The following GRM5 variants were observed in gnomAD, a reference collection of about 807,000 sequenced individuals.
The protein encoded by GRM5 is metabotropic glutamate receptor 5.
A neutral mutation model predicts 83.1 loss-of-function variants in GRM5; 19 were observed. That is an observed-to-expected ratio of 0.23 (90% CI 0.16 to 0.34). The LOEUF (loss-of-function observed/expected upper bound fraction) is 0.34, where lower values mean the gene tolerates loss of function less well. Among genes scored for constraint, GRM5 ranks in the 10% least tolerant of loss-of-function variants. GRM5 has a pLI of 1.00. For missense variants in GRM5, 1,160 were observed against 1,588.3 expected (o/e 0.73, Z 4.58); for synonymous variants, 675 against 633.6 (o/e 1.07, Z -0.98).
rs373132677 is a variant in GRM5 at position 88,988,555 on chromosome 11, C to A, written c.661+58657G>T. On this transcript the variant is annotated intron_variant, in intron 2 of 9. Coordinates refer to ENST00000305447, the MANE Select transcript of GRM5 (RefSeq NM_001143831.3). ...AGAAGAGCAACTCCAAGACACATAA[C>A]TGTCAGATTCACCAAAGTTGAAATG... is the stretch of plus-strand genomic sequence containing the variant. 2.0e-5 allele frequency among the ~76,000 whole-genome samples: 3 copies of A among 150,836 alleles called. No individual in the cohort carries two copies. The East Asian group carries it at 5.8e-4, about 29-fold the overall frequency.
At chr11:88,511,505 C>A (rs910989983) in intron 9 of GRM5, among the ~76,000 whole-genome samples, 2 of 152,108 alleles carry the variant, frequency 1.3e-5, no homozygotes, top group Admixed American at 6.5e-5. Flanking sequence ...AATTTCTTTC[C>A]ATGTAATCTA....
chr11:88,659,949 T>C (rs775589883), intron 3 of GRM5, among the ~76,000 whole-genome samples: 11 of 152,158 alleles, frequency 7.2e-5, no homozygotes, highest in African/African-American at 7.2e-5. Context: ...AACAGAAAAA[T>C]ACATGTAGCC....
intron 3 of GRM5, among the ~76,000 whole-genome samples, chr11:88,675,865 AG>A (rs746777904): frequency 2.0e-5 from 3 of 152,044 alleles, no homozygotes; most frequent in East Asian, 3.9e-4. Context: ...GTGGCCATGT[AG>A]AAAGTTAAAC....
chr11:89,041,312 C>T (rs1941528652), intron 2 of GRM5, among the ~76,000 whole-genome samples: 1 of 152,142 alleles, frequency 6.6e-6, no homozygotes, highest in Non-Finnish European at 1.5e-5. Flanking sequence ...CCGCTGAAAA[C>T]AAAATTCCTT....
chr11:88,757,934 C>G (rs1374306203), intron 3 of GRM5, among the ~76,000 whole-genome samples: 1 of 152,136 alleles, frequency 6.6e-6, no homozygotes, highest in Non-Finnish European at 1.5e-5. Context: ...AGAGGAAAGT[C>G]AGACTCGCAA....
chr11:89,052,073 G>C (rs971839015), intron 1 of GRM5, among the ~76,000 whole-genome samples: 2 of 152,128 alleles, frequency 1.3e-5, no homozygotes, highest in Admixed American at 6.5e-5. Flanking sequence ...ATACAGATAG[G>C]GTAGACTAGC....
intron 1 of GRM5, among the ~76,000 whole-genome samples, chr11:89,052,429 G>C (rs1030254628): frequency 6.6e-6 from 1 of 152,038 alleles, no homozygotes; most frequent in Non-Finnish European, 1.5e-5. Flanking sequence ...GGGCAAAAAA[G>C]AATGTTTTAG....
intron 2 of GRM5, among the ~76,000 whole-genome samples, chr11:88,964,209 T>A (rs1332705597): frequency 6.6e-6 from 1 of 152,122 alleles, no homozygotes; most frequent in African/African-American, 2.4e-5. Flanking sequence ...CACCAAGTGT[T>A]TTTAATTAAA....
chr11:88,625,960 G>T (rs1256074486), intron 4 of GRM5, among the ~76,000 whole-genome samples: 8 of 152,148 alleles, frequency 5.3e-5, no homozygotes, highest in Non-Finnish European at 1.5e-5. Context: ...GAATTCAGCG[G>T]CAACAGGCAG....
At chr11:88,978,899 A>T (rs1022535052) in intron 2 of GRM5, among the ~76,000 whole-genome samples, 1 of 152,206 alleles carries the variant, frequency 6.6e-6, no homozygotes, top group African/African-American at 2.4e-5. Flanking sequence ...TGAACGCAGG[A>T]TTCCTAACTT....
At chr11:88,889,702 A>T (rs1248202653) in intron 2 of GRM5, among the ~76,000 whole-genome samples, 4 of 152,192 alleles carry the variant, frequency 2.6e-5, no homozygotes, top group Admixed American at 2.6e-4. Flanking sequence ...CTGGAAAAAA[A>T]TTTTTATTTT....
chr11:89,031,001 T>C (rs1941249824), intron 2 of GRM5, among the ~76,000 whole-genome samples: 2 of 152,064 alleles, frequency 1.3e-5, no homozygotes, highest in African/African-American at 4.8e-5. Context: ...AGAGTAGAAC[T>C]TATGAAGAAA....
intron 3 of GRM5, among the ~76,000 whole-genome samples, chr11:88,672,719 C>T (rs189773633): frequency 1.1e-3 from 165 of 151,612 alleles, no homozygotes; most frequent in African/African-American, 3.7e-3. Flanking sequence ...AAATTCTAGG[C>T]CATATTTATA....
At chr11:88,823,985 C>G (rs1318766865) in intron 3 of GRM5, among the ~76,000 whole-genome samples, 1 of 152,104 alleles carries the variant, frequency 6.6e-6, no homozygotes, top group African/African-American at 2.4e-5. Flanking sequence ...TAACTGCTAT[C>G]ACAGATTTCC....
intron 1 of GRM5, among the ~76,000 whole-genome samples, chr11:89,048,347 G>A (rs1761657683): frequency 6.6e-6 from 1 of 152,164 alleles, no homozygotes; most frequent in Admixed American, 6.5e-5. Context: ...AGGCAGAACT[G>A]TATTGTAATC....
At chr11:88,767,986 G>A (rs1460647044) in intron 3 of GRM5, among the ~76,000 whole-genome samples, 1 of 151,928 alleles carries the variant, frequency 6.6e-6, no homozygotes, top group Non-Finnish European at 1.5e-5. Flanking sequence ...CTCGTATGCT[G>A]TTTATAGAAG....
chr11:88,751,133 G>C (rs1394526107), intron 3 of GRM5, among the ~76,000 whole-genome samples: 5 of 123,016 alleles, frequency 4.1e-5, no homozygotes, highest in African/African-American at 1.6e-4. Flanking sequence ...AGGAAATAGA[G>C]ACATGCAAAA....
chr11:88,892,708 T>A (rs1037949990), intron 2 of GRM5, among the ~76,000 whole-genome samples: 3 of 152,012 alleles, frequency 2.0e-5, no homozygotes, highest in Admixed American at 2.0e-4. Flanking sequence ...GTTTTTAAGC[T>A]TTTTACCTAC....
chr11:88,738,866 T>C (rs11021131), intron 3 of GRM5, among the ~76,000 whole-genome samples: 32,688 of 152,066 alleles, frequency 0.21, 4,674 homozygotes, highest in Non-Finnish European at 0.32. Flanking sequence ...GTCCTGAACC[T>C]TTCATTGAAA....
Sources: allele counts gnomAD v4.1 joint callset (sites outside exome capture counted in the v4.1 genomes callset), GRCh38; gene constraint gnomAD v4.1.1; transcripts MANE v1.5; gene names NCBI Gene and HGNC (gene_info 2026-07-23, HGNC 2026-07-21).